NUBPL: variants seen among roughly 807,000 people sequenced by gnomAD.
NUBPL encodes the protein NUBP iron-sulfur cluster assembly factor, mitochondrial.
In NUBPL, 31 loss-of-function variants were observed where a neutral mutation model predicts 45.7. The observed-to-expected ratio is 0.68, with a 90% CI of 0.51 to 0.92. The LOEUF is 0.92. Among genes scored for constraint, NUBPL ranks in the 40% least tolerant of loss-of-function variants. The pLI, the probability that NUBPL is intolerant of heterozygous loss-of-function variation, is 0.00. For missense variants in NUBPL, 401 were observed against 398.7 expected (o/e 1.01, Z -0.05); for synonymous variants, 144 against 140.9 (o/e 1.02, Z -0.15).
intron 6 of NUBPL, among the ~76,000 whole-genome samples, chr14:31,685,223 A>C (rs1463042632): frequency 6.6e-6 from 1 of 152,122 alleles, no homozygotes; most frequent in Non-Finnish European, 1.5e-5. Flanking sequence ...TGGTGTGGAG[A>C]GTTTTAAGAA....
At chr14:31,623,382 T>A (rs1162066478) in intron 4 of NUBPL, among the ~76,000 whole-genome samples, 1 of 152,182 alleles carries the variant, frequency 6.6e-6, no homozygotes, top group Non-Finnish European at 1.5e-5. Flanking sequence ...TTTGGGGGAC[T>A]GTTAGGAAGG....
intron 4 of NUBPL, among the ~76,000 whole-genome samples, chr14:31,667,128 A>G (rs954681446): frequency 1.3e-5 from 2 of 152,044 alleles, no homozygotes; most frequent in Non-Finnish European, 2.9e-5. Flanking sequence ...CTCCTGGATG[A>G]TATCCTGAAG....
At chr14:31,687,949 G>C (rs2036993014) in intron 6 of NUBPL, among the ~76,000 whole-genome samples, 1 of 152,176 alleles carries the variant, frequency 6.6e-6, no homozygotes, top group African/African-American at 2.4e-5. Flanking sequence ...AATTTGTGAA[G>C]TTGTTGCTGC....
At chr14:31,728,296 T>C (rs1405802509) in intron 6 of NUBPL, among the ~76,000 whole-genome samples, 1 of 151,942 alleles carries the variant, frequency 6.6e-6, no homozygotes, top group Non-Finnish European at 1.5e-5. Flanking sequence ...TCTTGTGTTG[T>C]ATTATAAATT....
At chr14:31,791,160 C>T (rs970336616) in intron 7 of NUBPL, among the ~76,000 whole-genome samples, 12 of 151,982 alleles carry the variant, frequency 7.9e-5, no homozygotes, top group African/African-American at 2.9e-4. Context: ...CACTTGTGGT[C>T]CCAGCTACTT....
chr14:31,846,692 C>T, intron 9 of NUBPL, 101 bp downstream of exon 9: 3 of 1,551,942 alleles, frequency 1.9e-6, no homozygotes, highest in South Asian at 1.2e-5. Flanking sequence ...CACGGAGTCT[C>T]ACACCTGTAA....
At chr14:31,754,591 CTTTTTTT>C (rs59085679) in intron 6 of NUBPL, among the ~76,000 whole-genome samples, 36 of 103,700 alleles carry the variant, frequency 3.5e-4, no homozygotes, top group Admixed American at 4.1e-4. Context: ...AGAGGGTTTT[CTTTTTTT>C]TTTTTTTTTT....
chr14:31,736,821 C>T (rs1392276750), intron 6 of NUBPL, among the ~76,000 whole-genome samples: 5 of 152,168 alleles, frequency 3.3e-5, no homozygotes, highest in Admixed American at 2.0e-4. Context: ...TCCAACCATT[C>T]ATATGAGAAT....
intron 7 of NUBPL, among the ~76,000 whole-genome samples, chr14:31,807,820 C>G (rs2039719512): frequency 6.6e-6 from 1 of 152,142 alleles, no homozygotes; most frequent in Admixed American, 6.6e-5. Flanking sequence ...GGAAGGGATC[C>G]AGTTTCAGCT....
chr14:31,700,566 G>C (rs909704864), intron 6 of NUBPL, among the ~76,000 whole-genome samples: 1 of 152,148 alleles, frequency 6.6e-6, no homozygotes, highest in African/African-American at 2.4e-5. Context: ...GGTGGGAACC[G>C]AGGTTGCATG....
intron 6 of NUBPL, among the ~76,000 whole-genome samples, chr14:31,687,712 T>C (rs2036986905): frequency 6.6e-6 from 1 of 152,270 alleles, no homozygotes; most frequent in Non-Finnish European, 1.5e-5. Context: ...CATGTATTTT[T>C]CATTGTGTTT....
chr14:31,699,399 T>C (rs548204297), intron 6 of NUBPL, among the ~76,000 whole-genome samples: 1 of 152,218 alleles, frequency 6.6e-6, no homozygotes, highest in African/African-American at 2.4e-5. Context: ...CTAAGACTTA[T>C]ACTGTTTATC....
intron 7 of NUBPL, among the ~76,000 whole-genome samples, chr14:31,811,991 C>T (rs1036771103): frequency 3.9e-5 from 6 of 152,170 alleles, no homozygotes; most frequent in Admixed American, 2.6e-4. Context: ...AAATATTGCT[C>T]CCTGATTCTT....
chr14:31,858,917 A>G (rs939674072), intron 10 of NUBPL, among the ~76,000 whole-genome samples: 2 of 152,174 alleles, frequency 1.3e-5, no homozygotes, highest in Non-Finnish European at 2.9e-5. Context: ...CTTCCAAATA[A>G]TTACCCTCCA....
intron 6 of NUBPL, among the ~76,000 whole-genome samples, chr14:31,682,874 G>A (rs1185781586): frequency 6.6e-6 from 1 of 152,142 alleles, no homozygotes; most frequent in Admixed American, 6.5e-5. Context: ...TCTACAGACT[G>A]TACAAGAAGC....
chr14:31,759,823 C>T (rs2038758832), intron 6 of NUBPL, among the ~76,000 whole-genome samples: 1 of 150,578 alleles, frequency 6.6e-6, no homozygotes, highest in East Asian at 1.9e-4. Context: ...ATGAGATGTT[C>T]AACACTTTAT....
At chr14:31,800,034 C>G (rs1485913588) in intron 7 of NUBPL, among the ~76,000 whole-genome samples, 1 of 152,202 alleles carries the variant, frequency 6.6e-6, no homozygotes, top group East Asian at 1.9e-4. Context: ...GTATCATCAC[C>G]AGAAGTAGAT....
chr14:31,850,864 C>T (rs1276933509), intron 10 of NUBPL, among the ~76,000 whole-genome samples: 1 of 151,992 alleles, frequency 6.6e-6, no homozygotes, highest in African/African-American at 2.4e-5. Context: ...CTCAAGTTAT[C>T]CTCCCATCTT....
intron 4 of NUBPL, among the ~76,000 whole-genome samples, chr14:31,640,345 C>T (rs377665576): frequency 3.1e-4 from 47 of 152,228 alleles, no homozygotes; most frequent in East Asian, 2.1e-3. Flanking sequence ...GTGGCTCACG[C>T]GCCCAGCACT....
Sources: allele counts gnomAD v4.1 joint callset (sites outside exome capture counted in the v4.1 genomes callset), GRCh38; gene constraint gnomAD v4.1.1; transcripts MANE v1.5; gene names NCBI Gene and HGNC (gene_info 2026-07-23, HGNC 2026-07-21).